Variants in ABI2 observed in about 807,000 individuals in gnomAD.
ABI2 encodes the protein abelson interactor 2.
In ABI2, 25 loss-of-function variants were observed where a neutral mutation model predicts 59.2. That is an observed-to-expected ratio of 0.42 (90% CI 0.31 to 0.59). The LOEUF (loss-of-function observed/expected upper bound fraction) is 0.59, where lower values mean the gene tolerates loss of function less well. Ranked by LOEUF, ABI2 falls within the 20% of genes least tolerant of loss-of-function variation. The pLI, the probability that ABI2 is intolerant of heterozygous loss-of-function variation, is 0.14. For missense variants in ABI2, 545 were observed against 681.8 expected, an observed-to-expected ratio of 0.80 and a Z score of 2.23; for synonymous variants, 213 against 235.5, an observed-to-expected ratio of 0.90 and a Z score of 0.87.
chr2:203,342,948 A>C (rs1415051108), intron 1 of ABI2, among the ~76,000 whole-genome samples: 2 of 152,254 alleles, frequency 1.3e-5, no homozygotes, highest in African/African-American at 4.8e-5. Context: ...TTTATAATGC[A>C]TTAACATGCA....
At chr2:203,340,668 AT>A (rs1409844355) in intron 1 of ABI2, among the ~76,000 whole-genome samples, 3 of 152,068 alleles carry the variant, frequency 2.0e-5, no homozygotes, top group Non-Finnish European at 4.4e-5. Context: ...CTGAGAGTAG[AT>A]TTTAAGTGTT....
intron 1 of ABI2, among the ~76,000 whole-genome samples, chr2:203,330,392 CAAAAAA>C (rs35505933): frequency 1.7e-5 from 2 of 115,838 alleles, no homozygotes; most frequent in African/African-American, 6.4e-5. Context: ...GACTACATAT[CAAAAAA>C]AAAAAAAAAA....
chr2:203,341,192 C>T (rs1257881651), intron 1 of ABI2, among the ~76,000 whole-genome samples: 1 of 152,134 alleles, frequency 6.6e-6, no homozygotes, highest in Non-Finnish European at 1.5e-5. Context: ...TTATACTTAT[C>T]CTTCCATGCT....
At chr2:203,388,840 T>C (rs2096633425) in intron 4 of ABI2, among the ~76,000 whole-genome samples, 1 of 152,116 alleles carries the variant, frequency 6.6e-6, no homozygotes, top group African/African-American at 2.4e-5. Context: ...TTAAAACAAA[T>C]ATAAGCTGGA....
intron 4 of ABI2, among the ~76,000 whole-genome samples, chr2:203,389,100 A>G (rs2096644911): frequency 6.6e-6 from 1 of 152,138 alleles, no homozygotes; most frequent in Non-Finnish European, 1.5e-5. Flanking sequence ...GCTATTCATT[A>G]TTTGTCATAT....
intron 5 of ABI2, chr2:203,394,492 G>A (rs2096894773): frequency 3.7e-6 from 2 of 544,942 alleles, no homozygotes; most frequent in Non-Finnish European, 6.5e-6. Flanking sequence ...AGGGAAATGA[G>A]GTTGGAGACT....
chr2:203,369,261 G>A (rs1467237620), intron 2 of ABI2, among the ~76,000 whole-genome samples: 1 of 151,758 alleles, frequency 6.6e-6, no homozygotes, highest in Non-Finnish European at 1.5e-5. Flanking sequence ...ATGTTAAAAA[G>A]AAACGTTAAA....
chr2:203,352,796 C>A (rs1053654380), intron 1 of ABI2, among the ~76,000 whole-genome samples: 2 of 152,206 alleles, frequency 1.3e-5, no homozygotes, highest in Non-Finnish European at 2.9e-5. Context: ...CCTCCTATTA[C>A]CCAGACATGT....
intron 7 of ABI2, 53 bp downstream of exon 7, chr2:203,395,833 A>G (rs879225982): frequency 1.7e-5 from 25 of 1,497,318 alleles, no homozygotes; most frequent in Non-Finnish European, 2.1e-5. Flanking sequence ...ATTTGATTCA[A>G]TTTGTGATTT....
At chr2:203,336,763 G>A (rs374231077) in intron 1 of ABI2, among the ~76,000 whole-genome samples, 1 of 152,312 alleles carries the variant, frequency 6.6e-6, no homozygotes, top group East Asian at 1.9e-4. Flanking sequence ...CTAACAAGCA[G>A]TTGGGCAGGT....
intron 2 of ABI2, among the ~76,000 whole-genome samples, chr2:203,371,317 T>G (rs906918790): frequency 5.9e-5 from 9 of 152,242 alleles, no homozygotes; most frequent in Admixed American, 1.3e-4. Context: ...GACTGTACTC[T>G]GTATCGGGGA....
chr2:203,406,680 T>C (rs1432620869), intron 9 of ABI2, among the ~76,000 whole-genome samples: 1 of 152,148 alleles, frequency 6.6e-6, no homozygotes, highest in Non-Finnish European at 1.5e-5. Flanking sequence ...GATTTTTTTT[T>C]CTCCCCAAAG....
At chr2:203,331,348 CTTTT>C (rs201209202) in intron 1 of ABI2, among the ~76,000 whole-genome samples, 11 of 85,304 alleles carry the variant, frequency 1.3e-4, no homozygotes, top group South Asian at 4.7e-4. Context: ...TCAATTTAGC[CTTTT>C]TTTTTTTTTT....
chr2:203,342,312 G>A, intron 1 of ABI2: 1 of 435,604 alleles, frequency 2.3e-6, no homozygotes, highest in Middle Eastern at 3.7e-4. Context: ...TTGAATTAAT[G>A]GAGTTGAACT....
intron 9 of ABI2, chr2:203,403,437 G>A (rs2097300878): frequency 6.5e-6 from 1 of 154,632 alleles, no homozygotes; most frequent in Non-Finnish European, 1.5e-5. Context: ...CTCTCATACT[G>A]GGTTCAACTC....
intron 1 of ABI2, among the ~76,000 whole-genome samples, chr2:203,356,409 C>G (rs1017262988): frequency 1.3e-5 from 2 of 152,052 alleles, no homozygotes; most frequent in African/African-American, 4.8e-5. Flanking sequence ...CGCTCTGTTG[C>G]CCAGGCTGGA....
chr2:203,376,243 C>G, intron 2 of ABI2: 1 of 731,696 alleles, frequency 1.4e-6, no homozygotes, highest in South Asian at 2.0e-5. Context: ...GTTGTCACAT[C>G]TCATGGTGGG....
At chr2:203,401,372 C>T (rs1479021600) in intron 8 of ABI2, among the ~76,000 whole-genome samples, 1 of 152,004 alleles carries the variant, frequency 6.6e-6, no homozygotes, top group Non-Finnish European at 1.5e-5. Context: ...CTCTCTTGCC[C>T]TCCCCTTCTC....
chr2:203,413,045 G>GTT lies in ABI2; in HGVS notation c.1279+1679_1279+1680dup, dbSNP rs372464516. ...TAGTCACTTGAATAATACCCTGGGA[G>GTT]TTTTTTCTGTTTTTACTATTGTGAT... On this transcript the variant is annotated intron_variant, in intron 10 of 11. Transcript: ENST00000261018. Among the ~76,000 whole-genome samples the GTT allele has an allele frequency of 7.9e-4, 121 of 152,296 alleles. 1 individual carries two copies. Among genetic ancestry groups the GTT allele is most frequent in the Middle Eastern group, 3.4e-3 (1 of 294 alleles).
Sources: gnomAD v4.1 joint callset for allele counts (sites outside exome capture counted in the v4.1 genomes callset) on GRCh38, gnomAD v4.1.1 for gene constraint, MANE v1.5 for transcripts, NCBI Gene and HGNC (gene_info 2026-07-23, HGNC 2026-07-21) for gene names.